The following HMMR variants were observed in gnomAD, a reference collection of about 807,000 sequenced individuals.
HMMR encodes hyaluronan mediated motility receptor.
Under a neutral mutation model 101.0 loss-of-function variants are expected in HMMR, and 108 were observed. That is an observed-to-expected ratio of 1.07 (90% CI 0.92 to 1.25). The LOEUF (loss-of-function observed/expected upper bound fraction) is 1.25. Ranked by LOEUF, HMMR falls within the 50% of genes most tolerant of loss-of-function variation. The probability of loss-of-function intolerance (pLI) is 0.00; values close to 1 mark genes in which losing one functional copy is unlikely to be tolerated. For synonymous variants in HMMR, 296 were observed against 276.4 expected (o/e 1.07, Z -0.70); for missense variants, 813 against 788.7 (o/e 1.03, Z -0.37).
intron 12 of HMMR, among the ~76,000 whole-genome samples, chr5:163,481,760 G>A (rs1463969584): frequency 2.6e-5 from 4 of 152,090 alleles, no homozygotes; most frequent in African/African-American, 7.2e-5. Context: ...TCCATTGCCA[G>A]CTCCTTAGTC....
chr5:163,474,115 C>G lies in HMMR; in HGVS notation c.963C>G (p.Asn321Lys), dbSNP rs2303077. ...AAAATCTAAATGCAGAGATGCAAAA[C>G]TTAAAACAGAAGTTTATTCTTGAAC... Reference protein sequence around the residue: ...HNENLNAEMQNLKQKFILEQQ... With the variant: ...HNENLNAEMQKLKQKFILEQQ... Residue 321 changes from asparagine (N) to lysine (K), a missense_variant, in exon 10 of 18, where the codon AAC becomes AAG. Transcript: ENST00000393915. The G allele has an allele frequency of 1.6e-3, 2,502 of 1,611,486 alleles. 63 individuals carry two copies. In the East Asian group the frequency reaches 0.046, roughly 29 times the overall value.
In HMMR at chr5:163,491,369, A is replaced by C. The variant is rs1581207361; in HGVS notation, c.*205A>C. On this transcript the variant is annotated 3_prime_UTR_variant, in exon 18 of 18. Transcript: ENST00000393915. Reference sequence around the variant, plus strand: ...TACCTCCTCCCTAATGCTCACCTTTATCACCTCATTCTGAACCCTTTCGCT... The same window carrying C: ...TACCTCCTCCCTAATGCTCACCTTTCTCACCTCATTCTGAACCCTTTCGCT... 2.2e-6 allele frequency: 1 copy of C among 452,468 alleles called. No homozygotes were observed. Among genetic ancestry groups the C allele is most frequent in the East Asian group, 3.8e-5 (1 of 26,264 alleles). The allele number at this position is 452,468 out of a possible 1,614,324, so 28.0% of individuals were successfully genotyped here. A position where few individuals can be genotyped will look rare whatever the true frequency, so the allele number is the denominator to read the frequency against.
At chr5:163,482,970 A>G (rs772439839) in intron 13 of HMMR, 50 bp from the exon 14 acceptor site, 4 of 1,503,456 alleles carry the variant, frequency 2.7e-6, no homozygotes, top group Non-Finnish European at 3.6e-6. Context: ...GGAAAAATTA[A>G]TGAAAGTGGC....
At chr5:163,473,610 T>C in intron 9 of HMMR, 53 bp downstream of exon 9, 1 of 1,107,258 alleles carries the variant, frequency 9.0e-7, no homozygotes, top group Admixed American at 2.7e-5. Flanking sequence ...CATACAACAT[T>C]TAGGAAAAAT....
In HMMR at chr5:163,490,419, TAA is replaced by T; in HGVS notation, c.2000_2001del (p.Lys667ThrfsTer3). The T allele has an allele frequency of 6.5e-7, 1 of 1,548,414 alleles. No individual in the cohort carries two copies. ...EVSKLRCQLA[K>X]KKQSETKLQE... Reference sequence around the variant, plus strand: ...TATCAAAACTCCGCTGTCAGCTTGCTAAAAAAAAACAAAGTGAGACAAAACTT... The same window carrying T: ...TATCAAAACTCCGCTGTCAGCTTGCTAAAAAAACAAAGTGAGACAAAACTT... On this transcript the variant is annotated frameshift_variant, in exon 17 of 18. Coordinates refer to ENST00000393915, the MANE Select transcript of HMMR (RefSeq NM_001142556.2). LOFTEE classifies it high-confidence loss of function.
At chr5:163,481,316 A>G (rs945119145) in intron 12 of HMMR, among the ~76,000 whole-genome samples, 9 of 151,370 alleles carry the variant, frequency 5.9e-5, no homozygotes, top group Admixed American at 5.3e-4. Flanking sequence ...TTTTATATAT[A>G]TATATTTATT....
Position 163,474,126 on chromosome 5 carries a change from A to G in HMMR, c.974A>G (p.Lys325Arg). Residue 325 changes from lysine to arginine, a missense_variant, in exon 10 of 18, where the codon AAG becomes AGG. Coordinates refer to ENST00000393915, the MANE Select transcript of HMMR (RefSeq NM_001142556.2). The stretch of plus-strand genomic sequence containing the variant: ...GCAGAGATGCAAAACTTAAAACAGA[A>G]GTTTATTCTTGAACAACAGGAACGT... The part of the protein sequence containing the change: ...LNAEMQNLKQ[K>R]FILEQQEREK... 1 of 1,611,714 alleles carries G rather than the reference A, an allele frequency of 6.2e-7. No individual in the cohort carries two copies. Among genetic ancestry groups the G allele is most frequent in the Non-Finnish European group, 8.5e-7 (1 of 1,178,400 alleles).
At position 163,471,462 on chromosome 5, in the gene HMMR, CTG is replaced by C. The variant is rs2113473568; in HGVS notation, c.650+1_650+2del. 1 of 1,593,396 alleles carries C rather than the reference CTG, an allele frequency of 6.3e-7. No individual in the cohort carries two copies. The highest frequency in any genetic ancestry group is 8.6e-7 in the Non-Finnish European group (1 of 1,161,606). On this transcript the variant is annotated splice_donor_variant and coding_sequence_variant, in exon 7 of 18. Coordinates refer to ENST00000393915, the MANE Select transcript of HMMR (RefSeq NM_001142556.2). LOFTEE classifies it high-confidence loss of function. ...GAAAATAGCCCAACTGGAGGGAAAA[CTG>C]TAAGTGAGTGAATGTGAAGAGAAAT... is the stretch of plus-strand genomic sequence containing the variant.
At chr5:163,480,421 G>T (rs982335172) in intron 12 of HMMR, among the ~76,000 whole-genome samples, 5 of 152,126 alleles carry the variant, frequency 3.3e-5, no homozygotes, top group African/African-American at 1.2e-4. Context: ...GATAGTCACT[G>T]CTATGAGTAT....
Position 163,483,005 on chromosome 5 carries a change from T to C in HMMR, c.1533-15T>C. The C allele has an allele frequency of 6.4e-7, 1 of 1,568,782 alleles. No individual in the cohort carries two copies. Among genetic ancestry groups the C allele is most frequent in the East Asian group, 2.2e-5 (1 of 44,598 alleles). On this transcript the variant is annotated splice_polypyrimidine_tract_variant and intron_variant, in intron 13 of 17. Transcript: ENST00000393915. ...CTATAAAATGTTTAGTGACCTCTTC[T>C]CTCTCAAACCAAAGGATGCTTCTAG... is the stretch of plus-strand genomic sequence containing the variant.
At chr5:163,487,790 C>CT (rs1160772880) in intron 16 of HMMR, among the ~76,000 whole-genome samples, 1,475 of 145,398 alleles carry the variant, frequency 0.01, 19 homozygotes, top group African/African-American at 0.032. Flanking sequence ...TAATTTGAGT[C>CT]TTTTTTTTTT....
At chr5:163,487,296 A>G (rs1403571494) in intron 16 of HMMR, among the ~76,000 whole-genome samples, 1 of 152,050 alleles carries the variant, frequency 6.6e-6, no homozygotes, top group Non-Finnish European at 1.5e-5. Context: ...TCACTTGGTT[A>G]TGGCATATAA....
chr5:163,475,690 C>T lies in HMMR; in HGVS notation c.1268+18C>T, dbSNP rs373696743. The T allele has an allele frequency of 3.6e-4, 504 of 1,385,080 alleles. 5 individuals carry two copies. The highest frequency in any genetic ancestry group is 2.7e-3 in the Middle Eastern group (15 of 5,474). 85.8% of individuals were successfully genotyped at this position (1,385,080 alleles called of 1,614,324 possible). On this transcript the variant is annotated intron_variant, in intron 11 of 17. Coordinates refer to ENST00000393915, the MANE Select transcript of HMMR (RefSeq NM_001142556.2). ...CTGAAAGGGTTTGTATTAATAGGATCTCATGTTTATGTATGACTTCAGATG... is the reference window on the plus strand; with the variant it reads ...CTGAAAGGGTTTGTATTAATAGGATTTCATGTTTATGTATGACTTCAGATG...
chr5:163,483,408 G>A, intron 15 of HMMR, 41 bp downstream of exon 15: 1 of 1,098,476 alleles, frequency 9.1e-7, no homozygotes, highest in South Asian at 1.3e-5. Context: ...TTTATTTTAG[G>A]GACTCACTTT....
intron 13 of HMMR, 66 bp from the exon 14 acceptor site, chr5:163,482,954 A>G: frequency 6.8e-7 from 1 of 1,466,682 alleles, no homozygotes; most frequent in Non-Finnish European, 9.2e-7. Context: ...TTTAAAGAAA[A>G]AAAAAGGAAA....
At position 163,490,572 on chromosome 5, in the gene HMMR, A is replaced by G; in HGVS notation, c.2125+20A>G. On this transcript the variant is annotated intron_variant, in intron 17 of 17. Transcript: ENST00000393915. ...AAGAAGGTAAGACATGAATAAATGT[A>G]TAAAAGTGTCCTCTTCCTTTGGATT... The G allele has an allele frequency of 6.5e-7, 1 of 1,546,304 alleles. No individual in the cohort carries two copies. Among genetic ancestry groups the G allele is most frequent in the Non-Finnish European group, 8.8e-7 (1 of 1,140,168 alleles).
intron 16 of HMMR, among the ~76,000 whole-genome samples, chr5:163,486,624 A>G (rs1228079384): frequency 6.6e-6 from 1 of 152,180 alleles, no homozygotes; most frequent in Non-Finnish European, 1.5e-5. Context: ...CTTGTCTAAT[A>G]TCTCTGGCTA....
At chr5:163,484,009 A>T in intron 15 of HMMR, 60 bp from the exon 16 acceptor site, 1 of 990,326 alleles carries the variant, frequency 1.0e-6, no homozygotes. Context: ...TATGGTTTAT[A>T]TGAAACTAGT....
chr5:163,471,554 C>T, intron 7 of HMMR, 91 bp downstream of exon 7: 1 of 830,304 alleles, frequency 1.2e-6, no homozygotes, highest in East Asian at 2.6e-5. Context: ...AGACTTCAAC[C>T]TTCTGTTAGT....
Sources: allele counts gnomAD v4.1 joint callset (sites outside exome capture counted in the v4.1 genomes callset), GRCh38; gene constraint gnomAD v4.1.1; transcripts MANE v1.5; gene names NCBI Gene and HGNC (gene_info 2026-07-23, HGNC 2026-07-21).